PRKACA: variants seen among roughly 807,000 people sequenced by gnomAD.
PRKACA encodes protein kinase cAMP-activated catalytic subunit alpha.
A neutral mutation model predicts 45.8 loss-of-function variants in PRKACA; 9 were observed. That is an observed-to-expected ratio of 0.20 (90% CI 0.12 to 0.34). The LOEUF (loss-of-function observed/expected upper bound fraction) is 0.34. Among genes scored for constraint, PRKACA ranks in the 10% least tolerant of loss-of-function variants. The pLI is 1.00. For missense variants in PRKACA, 238 were observed against 458.6 expected, an observed-to-expected ratio of 0.52 and a Z score of 4.39; for synonymous variants, 160 against 178.6, an observed-to-expected ratio of 0.90 and a Z score of 0.83.
rs1297512311 is a variant in PRKACA, at chr19:14,092,126, C to A, written c.*986G>T. ...GTTCCCTTTTGCAGGGATGCCCTCC[C>A]CACTCAGCTGAGGGAAGGCTGGACG... On this transcript the variant is annotated 3_prime_UTR_variant, in exon 10 of 10. Coordinates refer to ENST00000308677, the MANE Select transcript of PRKACA (RefSeq NM_002730.4). 2.0e-5 allele frequency: 3 copies of A among 152,422 alleles called. No individual in the cohort carries two copies. Among genetic ancestry groups the A allele is most frequent in the African/African-American group, 7.2e-5 (3 of 41,460 alleles). 9.4% of individuals were successfully genotyped at this position (152,422 alleles called of 1,614,324 possible).
At chr19:14,107,935 G>A in intron 1 of PRKACA, 1 of 987,000 alleles carries the variant, frequency 1.0e-6, no homozygotes. Flanking sequence ...TTCAAGGGAA[G>A]TCTCGCCCGA....
intron 1 of PRKACA, chr19:14,108,173 G>C (rs1977668361): frequency 2.0e-6 from 2 of 985,272 alleles, no homozygotes; most frequent in Non-Finnish European, 2.4e-6. Context: ...CTAAGGGCCA[G>C]GACTTGGGGT....
chr19:14,102,771 G>A, intron 4 of PRKACA, 45 bp downstream of exon 4: 1 of 1,526,468 alleles, frequency 6.6e-7, no homozygotes, highest in Non-Finnish European at 9.1e-7. Flanking sequence ...CAGAAGGCTG[G>A]GACCCAATGC....
chr19:14,107,879 C>T (rs906290464), intron 1 of PRKACA: 25 of 990,762 alleles, frequency 2.5e-5, no homozygotes, highest in Non-Finnish European at 2.6e-5. Flanking sequence ...CCCAGCTGGC[C>T]CTGTTCCTCT....
chr19:14,115,312 A>G (rs1437686438), intron 1 of PRKACA: 1 of 162,648 alleles, frequency 6.1e-6, no homozygotes. Context: ...ACATCTGAAC[A>G]CAAGTGAGTA....
intron 1 of PRKACA, among the ~76,000 whole-genome samples, chr19:14,108,735 T>A (rs1977687337): frequency 7.8e-6 from 1 of 128,514 alleles, no homozygotes; most frequent in African/African-American, 2.8e-5. Context: ...ATTATTATTA[T>A]TTTTTTTTTT....
chr19:14,114,875 G>A (rs999501932), intron 1 of PRKACA, among the ~76,000 whole-genome samples: 9 of 152,148 alleles, frequency 5.9e-5, no homozygotes, highest in African/African-American at 1.4e-4. Flanking sequence ...GTACCACAGG[G>A]GACTGCAGGA....
chr19:14,097,531 A>AGAGG lies in PRKACA; in HGVS notation c.642+47_642+48insCCTC. On this transcript the variant is annotated intron_variant, in intron 7 of 9. Transcript: ENST00000308677. The surrounding 1 kb of genome is among the most constrained non-coding windows in gnomAD (Gnocchi z 5.4). The stretch of plus-strand genomic sequence containing the variant: ...AGGGTGAGGAGGAGGCGAGAGCAGG[A>AGAGG]GAGCAGAGCCGGCCTCAGGGGAAGG... The AGAGG allele has an allele frequency of 1.2e-6, 2 of 1,613,564 alleles. No homozygotes were observed. Among genetic ancestry groups the AGAGG allele is most frequent in the Non-Finnish European group, 1.7e-6 (2 of 1,179,678 alleles).
chr19:14,115,041 TC>T (rs1343928082), intron 1 of PRKACA: 2 of 982,098 alleles, frequency 2.0e-6, no homozygotes, highest in Non-Finnish European at 2.4e-6. Flanking sequence ...TCTAACTCCA[TC>T]CTCTCAGAAT....
chr19:14,098,211 C>T (rs1019920998), intron 5 of PRKACA: 2 of 254,936 alleles, frequency 7.8e-6, no homozygotes, highest in African/African-American at 4.4e-5. Context: ...CACAAAAGAA[C>T]ATGAATGATT....
chr19:14,094,030 T>C (rs1013249841), intron 8 of PRKACA, among the ~76,000 whole-genome samples: 2 of 152,076 alleles, frequency 1.3e-5, no homozygotes, highest in Non-Finnish European at 2.9e-5. Flanking sequence ...GAGTTAGTTA[T>C]TTTAAGAAGT....
chr19:14,093,526 G>A, intron 9 of PRKACA, 102 bp downstream of exon 9: 1 of 1,415,218 alleles, frequency 7.1e-7, no homozygotes, highest in Non-Finnish European at 9.6e-7. Flanking sequence ...ACTCTAGGTT[G>A]CTCCTGAACC....
At chr19:14,113,960 C>T (rs1967043981) in intron 1 of PRKACA, among the ~76,000 whole-genome samples, 1 of 152,212 alleles carries the variant, frequency 6.6e-6, no homozygotes, top group African/African-American at 2.4e-5. Context: ...CCGATCCCCT[C>T]TCTCTTCCCC....
Position 14,106,962 on chromosome 19 carries a change from C to T in PRKACA, c.109-74G>A, listed in dbSNP as rs1977630408. On this transcript the variant is annotated intron_variant, in intron 2 of 9. Coordinates refer to ENST00000308677, the MANE Select transcript of PRKACA (RefSeq NM_002730.4). ...TGCTTGGCTAAGGTCTGGGGCATCC[C>T]CTCTGCCACCGGCAGAGGGGGCCCC... The T allele has an allele frequency of 1.5e-5, 24 of 1,569,992 alleles. No homozygotes were observed. In the South Asian group the frequency reaches 2.4e-4, roughly 16 times the overall value.
Position 14,096,889 on chromosome 19 carries a change from C to A in PRKACA, c.765+472G>T. 3 of 274,914 alleles carry A rather than the reference C, an allele frequency of 1.1e-5. No homozygotes were observed. The South Asian group carries it at 1.1e-4, about 10-fold the overall frequency. 17.0% of individuals were successfully genotyped at this position (274,914 alleles called of 1,614,324 possible). ...ATGTGAGCTGAGATGGCTTCACCAC[C>A]CCTCATCTGAACCCTCAGAGTTAGG... On this transcript the variant is annotated intron_variant, in intron 8 of 9. Transcript: ENST00000308677.
chr19:14,094,087 C>A (rs1977174814), intron 8 of PRKACA, among the ~76,000 whole-genome samples: 1 of 148,686 alleles, frequency 6.7e-6, no homozygotes, highest in Non-Finnish European at 1.5e-5. Context: ...TGGTCTTGAA[C>A]TTCTAGGCTC....
intron 1 of PRKACA, among the ~76,000 whole-genome samples, chr19:14,116,149 T>A (rs1967102175): frequency 6.6e-6 from 1 of 152,202 alleles, no homozygotes; most frequent in South Asian, 2.1e-4. Flanking sequence ...GGCCTTCCTT[T>A]TCGACCAATA....
chr19:14,101,761 T>A, intron 4 of PRKACA, among the ~76,000 whole-genome samples: 1 of 150,756 alleles, frequency 6.6e-6, no homozygotes, highest in East Asian at 2.0e-4. Context: ...CTCGGGAGGC[T>A]GAGGCAGAAG....
chr19:14,100,398 A>G (rs1055684554), intron 5 of PRKACA, among the ~76,000 whole-genome samples: 12 of 151,748 alleles, frequency 7.9e-5, no homozygotes, highest in Admixed American at 5.9e-4. Context: ...CCTGGGTTCA[A>G]GTGATTCTCC....
Sources: allele counts gnomAD v4.1 joint callset (sites outside exome capture counted in the v4.1 genomes callset), GRCh38; gene constraint gnomAD v4.1.1; non-coding constraint Gnocchi (gnomAD v3.1); transcripts MANE v1.5; gene names NCBI Gene and HGNC (gene_info 2026-07-23, HGNC 2026-07-21).